The following SLC35F1 variants were observed in gnomAD, a reference collection of about 807,000 sequenced individuals.
SLC35F1 encodes solute carrier family 35 member F1.
Under a neutral mutation model 48.7 loss-of-function variants are expected in SLC35F1, and 14 were observed. That is an observed-to-expected ratio of 0.29 (90% confidence interval 0.19 to 0.45). SLC35F1 has a LOEUF of 0.45. SLC35F1 is among the 20% of genes least tolerant of loss of function. The probability of loss-of-function intolerance (pLI) is 1.00; values close to 1 mark genes in which losing one functional copy is unlikely to be tolerated. For missense variants in SLC35F1, 404 were observed against 500.0 expected (o/e 0.81, Z 1.83); for synonymous variants, 190 against 202.2 (o/e 0.94, Z 0.51).
intron 3 of SLC35F1, among the ~76,000 whole-genome samples, chr6:118,245,341 A>G (rs1014837100): frequency 2.6e-5 from 4 of 152,206 alleles, no homozygotes; most frequent in Non-Finnish European, 4.4e-5. Context: ...CCTCTCAGAC[A>G]TCACAACCCC....
chr6:118,103,485 C>T (rs887116837), intron 1 of SLC35F1, among the ~76,000 whole-genome samples: 1 of 152,302 alleles, frequency 6.6e-6, no homozygotes, highest in African/African-American at 2.4e-5. Context: ...GGGGAGCAGC[C>T]ACTCCCACTG....
At chr6:118,017,470 C>G (rs1777337632) in intron 1 of SLC35F1, among the ~76,000 whole-genome samples, 1 of 152,214 alleles carries the variant, frequency 6.6e-6, no homozygotes, top group African/African-American at 2.4e-5. Flanking sequence ...GCAGGATCAT[C>G]TGCTCTTGGG....
At chr6:118,292,877 A>T (rs1776141802) in intron 7 of SLC35F1, among the ~76,000 whole-genome samples, 2 of 152,124 alleles carry the variant, frequency 1.3e-5, no homozygotes, top group African/African-American at 4.8e-5. Context: ...GCTTCTGCAA[A>T]CTCTAAATCT....
intron 1 of SLC35F1, among the ~76,000 whole-genome samples, chr6:118,067,589 G>T (rs1368666673): frequency 2.0e-5 from 3 of 152,166 alleles, no homozygotes; most frequent in Non-Finnish European, 2.9e-5. Flanking sequence ...AATTTCAAGA[G>T]GGGTAATGGT....
chr6:118,253,327 G>A (rs1393455753), intron 3 of SLC35F1, among the ~76,000 whole-genome samples: 1 of 152,142 alleles, frequency 6.6e-6, no homozygotes, highest in Non-Finnish European at 1.5e-5. Flanking sequence ...CAGATTCTTC[G>A]CTTAGTAAGA....
intron 1 of SLC35F1, among the ~76,000 whole-genome samples, chr6:117,923,608 C>CATATATGTACATATGCACAT (rs1338477804): frequency 3.8e-5 from 1 of 26,078 alleles, no homozygotes; most frequent in Non-Finnish European, 6.5e-5. Flanking sequence ...TGTATATATA[C>CATATATGTACATATGCACAT]ATATACATAT....
At chr6:117,978,932 C>T (rs1225465712) in intron 1 of SLC35F1, among the ~76,000 whole-genome samples, 1 of 152,144 alleles carries the variant, frequency 6.6e-6, no homozygotes, top group Non-Finnish European at 1.5e-5. Context: ...CATTTCATGG[C>T]TCTTGTTACT....
chr6:117,956,581 C>A (rs1287915187), intron 1 of SLC35F1, among the ~76,000 whole-genome samples: 1 of 152,176 alleles, frequency 6.6e-6, no homozygotes, highest in East Asian at 1.9e-4. Context: ...ATGACTGTTC[C>A]TTTGTGTAAG....
intron 2 of SLC35F1, among the ~76,000 whole-genome samples, chr6:118,197,737 T>C (rs2114531436): frequency 6.6e-6 from 1 of 152,126 alleles, no homozygotes; most frequent in Admixed American, 6.5e-5. Context: ...CAGGGTTGAA[T>C]TTTTAAGACT....
chr6:118,094,824 TG>T lies in SLC35F1; in HGVS notation c.174-59618del, dbSNP rs1265439632. Among the ~76,000 whole-genome samples the T allele has an allele frequency of 7.2e-5, 11 of 152,052 alleles. No individual in the cohort carries two copies. The East Asian group carries it at 1.9e-3, about 27-fold the overall frequency. ...CTCTACTAAAAATACAAAATTTAGC[TG>T]GGCATGGTGAGGCACTCCTGTAATC... On this transcript the variant is annotated intron_variant, in intron 1 of 7. Transcript: ENST00000360388.
chr6:118,226,447 A>G (rs1440665231), intron 2 of SLC35F1, among the ~76,000 whole-genome samples: 1 of 151,560 alleles, frequency 6.6e-6, no homozygotes, highest in Non-Finnish European at 1.5e-5. Flanking sequence ...TAACCAAAAC[A>G]TGGAATCAAC....
intron 1 of SLC35F1, among the ~76,000 whole-genome samples, chr6:117,935,033 G>A (rs148255372): frequency 7.0e-4 from 107 of 152,260 alleles, no homozygotes; most frequent in African/African-American, 2.4e-3. Context: ...TTTGAACCTG[G>A]GAGGCAGAGG....
chr6:118,241,107 T>C (rs1185677481), intron 3 of SLC35F1, among the ~76,000 whole-genome samples: 1 of 152,088 alleles, frequency 6.6e-6, no homozygotes, highest in Non-Finnish European at 1.5e-5. Context: ...CTGGGCCATA[T>C]TGTAGAAGGT....
chr6:117,913,013 C>T (rs550503149), intron 1 of SLC35F1, among the ~76,000 whole-genome samples: 4 of 152,308 alleles, frequency 2.6e-5, no homozygotes, highest in East Asian at 3.9e-4. Context: ...CTGCTCATAT[C>T]GCTCATATAG....
rs563300741 is a variant in SLC35F1, at chr6:118,213,928, G to A, written c.350-21581G>A. 5.6e-4 allele frequency among the ~76,000 whole-genome samples: 86 copies of A among 152,224 alleles called. 1 individual carries two copies. The Middle Eastern group carries it at 0.02, about 36-fold the overall frequency. ...TGAACACTTCAACTTGACATGGAGT[G>A]TTTTACTTTTTAATTTTACATTGTT... On this transcript the variant is annotated intron_variant, in intron 2 of 7. Coordinates refer to ENST00000360388, the MANE Select transcript of SLC35F1 (RefSeq NM_001029858.4).
intron 1 of SLC35F1, among the ~76,000 whole-genome samples, chr6:117,973,980 G>A (rs563026322): frequency 8.2e-4 from 125 of 152,250 alleles, no homozygotes; most frequent in African/African-American, 3.0e-3. Context: ...CATGCAGCTG[G>A]TATGCATATC....
At chr6:118,098,213 C>T (rs932473039) in intron 1 of SLC35F1, among the ~76,000 whole-genome samples, 2 of 152,154 alleles carry the variant, frequency 1.3e-5, no homozygotes, top group Admixed American at 1.3e-4. Context: ...TTCACAATAA[C>T]CTCATGAGGT....
intron 1 of SLC35F1, among the ~76,000 whole-genome samples, chr6:118,129,759 G>C (rs578064070): frequency 1.6e-4 from 25 of 152,236 alleles, no homozygotes; most frequent in South Asian, 6.2e-4. Context: ...TGAATACCAA[G>C]TCATTGACAC....
At chr6:118,094,850 C>G (rs1040367970) in intron 1 of SLC35F1, among the ~76,000 whole-genome samples, 1 of 152,032 alleles carries the variant, frequency 6.6e-6, no homozygotes, top group Admixed American at 6.6e-5. Flanking sequence ...CTCCTGTAAT[C>G]CCAGCTACTT....
Sources: gnomAD v4.1 joint callset for allele counts (sites outside exome capture counted in the v4.1 genomes callset) on GRCh38, gnomAD v4.1.1 for gene constraint, MANE v1.5 for transcripts, NCBI Gene and HGNC (gene_info 2026-07-23, HGNC 2026-07-21) for gene names.